The following AOPEP variants were observed in gnomAD, a reference collection of about 807,000 sequenced individuals.
AOPEP encodes aminopeptidase O.
Under a neutral mutation model 98.1 loss-of-function variants are expected in AOPEP, and 77 were observed. The observed-to-expected ratio is 0.78, with a 90% CI of 0.65 to 0.95. The LOEUF (loss-of-function observed/expected upper bound fraction) is 0.95. Among genes scored for constraint, AOPEP ranks in the 40% least tolerant of loss-of-function variants. The pLI, the probability that AOPEP is intolerant of heterozygous loss-of-function variation, is 0.00. For missense variants in AOPEP, 1,024 were observed against 1,024.7 expected, an observed-to-expected ratio of 1.00 and a Z score of 0.01; for synonymous variants, 346 against 365.3, an observed-to-expected ratio of 0.95 and a Z score of 0.60.
chr9:94,793,353 AAAAAC>A (rs55646763), intron 4 of AOPEP, among the ~76,000 whole-genome samples: 8,906 of 150,742 alleles, frequency 0.059, 295 homozygotes, highest in South Asian at 0.094. Flanking sequence ...TCTCAAAACA[AAAAAC>A]AAAACAAAAC....
the AOPEP span, chr9:95,126,518 G>C: frequency 2.4e-5 from 39 of 1,612,954 alleles, no homozygotes; most frequent in Admixed American, 6.7e-5. Context: ...AAGAAACAGT[G>C]TAACGTTTAC....
intron 5 of AOPEP, among the ~76,000 whole-genome samples, chr9:94,856,363 C>T (rs922459429): frequency 1.3e-5 from 2 of 152,050 alleles, no homozygotes; most frequent in Admixed American, 6.6e-5. Flanking sequence ...AGCAGAAGGC[C>T]GGGTGCGGTG....
chr9:95,104,065 A>G, the AOPEP span, among the ~76,000 whole-genome samples: 5 of 152,090 alleles, frequency 3.3e-5, no homozygotes, highest in Non-Finnish European at 5.9e-5. Context: ...CAAAGCAACC[A>G]TCTGGCCACC....
At chr9:95,129,611 T>C in the AOPEP span, among the ~76,000 whole-genome samples, 13 of 152,230 alleles carry the variant, frequency 8.5e-5, no homozygotes, top group Non-Finnish European at 1.5e-5. Flanking sequence ...AAACCTTTTG[T>C]GGTTTCCATC....
At chr9:94,993,045 A>C (rs970632175) in intron 11 of AOPEP, among the ~76,000 whole-genome samples, 17 of 152,218 alleles carry the variant, frequency 1.1e-4, no homozygotes, top group African/African-American at 3.6e-4. Context: ...AGTAATAATC[A>C]ATCTACAAAA....
intron 13 of AOPEP, among the ~76,000 whole-genome samples, chr9:95,032,539 G>A (rs544300773): frequency 2.0e-5 from 3 of 152,256 alleles, no homozygotes; most frequent in South Asian, 4.1e-4. Context: ...GTGGCGATGT[G>A]CACTACCAGA....
chr9:95,094,152 G>A, the AOPEP span, among the ~76,000 whole-genome samples: 1 of 151,974 alleles, frequency 6.6e-6, no homozygotes, highest in African/African-American at 2.4e-5. Flanking sequence ...CCCAGTGGTT[G>A]TTGGCTGTCG....
At chr9:95,064,626 G>A (rs1331224078) in intron 14 of AOPEP, among the ~76,000 whole-genome samples, 1 of 152,158 alleles carries the variant, frequency 6.6e-6, no homozygotes, top group Non-Finnish European at 1.5e-5. Flanking sequence ...ACAAGCCATT[G>A]GTCAGGGGGC....
Position 94,972,217 on chromosome 9 carries a change from CCTTT to C in AOPEP, c.1916+4424_1916+4427del, listed in dbSNP as rs1040907660. ...GACTGGTTGTGAAAGTTGAGTCCGA[CCTTT>C]CTTTCTTAGCCACTAAGTCACACTC... On this transcript the variant is annotated intron_variant, in intron 10 of 16. Transcript: ENST00000375315. The surrounding 1 kb of genome is among the most constrained non-coding windows in gnomAD (Gnocchi z 4.2). Among the ~76,000 whole-genome samples the C allele has an allele frequency of 1.3e-4, 20 of 152,232 alleles. No individual in the cohort carries two copies. Among genetic ancestry groups the C allele is most frequent in the African/African-American group, 4.8e-4 (20 of 41,524 alleles).
At chr9:95,082,464 A>G (rs903380497) in intron 15 of AOPEP, 111 bp from the exon 16 acceptor site, 2 of 1,268,164 alleles carry the variant, frequency 1.6e-6, no homozygotes, top group Non-Finnish European at 2.1e-6. Flanking sequence ...GGGTCTTTGC[A>G]ATTTCTAGAC....
At chr9:94,949,789 G>A (rs911233448) in intron 7 of AOPEP, among the ~76,000 whole-genome samples, 6 of 152,252 alleles carry the variant, frequency 3.9e-5, no homozygotes, top group African/African-American at 1.4e-4. Context: ...ACAAACAGTG[G>A]ATAGAGAATT....
At chr9:95,143,281 T>C in the AOPEP span, among the ~76,000 whole-genome samples, 1 of 152,116 alleles carries the variant, frequency 6.6e-6, no homozygotes, top group Admixed American at 6.5e-5. Context: ...TGACCACCAA[T>C]CTGGAAGCTA....
the AOPEP span, chr9:95,150,130 T>C: frequency 5.0e-6 from 8 of 1,608,206 alleles, no homozygotes; most frequent in Non-Finnish European, 5.1e-6. Flanking sequence ...CTAAGAGCCA[T>C]GCATAATTAA....
the AOPEP span, among the ~76,000 whole-genome samples, chr9:95,146,487 C>CAAAAAAAA: frequency 1.5e-4 from 7 of 45,526 alleles, no homozygotes; most frequent in Non-Finnish European, 1.8e-4. Flanking sequence ...GACCCCATCT[C>CAAAAAAAA]AAAAAAAAAA....
chr9:95,121,671 T>C, the AOPEP span, among the ~76,000 whole-genome samples: 2 of 152,160 alleles, frequency 1.3e-5, no homozygotes, highest in African/African-American at 4.8e-5. Flanking sequence ...CAGCCACACA[T>C]GGCAACGTCA....
chr9:94,734,274 TCTTGCCCTTC>T (rs1481070941), intron 1 of AOPEP, among the ~76,000 whole-genome samples: 2 of 152,126 alleles, frequency 1.3e-5, no homozygotes, highest in African/African-American at 4.8e-5. Flanking sequence ...CAGAGGGACC[TCTTGCCCTTC>T]CTACAGTTTT....
At chr9:95,071,955 C>A (rs1169761701) in intron 14 of AOPEP, among the ~76,000 whole-genome samples, 2 of 152,186 alleles carry the variant, frequency 1.3e-5, no homozygotes, top group African/African-American at 4.8e-5. Flanking sequence ...CATTAAGGAG[C>A]ACCTCTGATT....
the AOPEP span, among the ~76,000 whole-genome samples, chr9:95,148,649 T>A: frequency 2.0e-5 from 3 of 152,194 alleles, no homozygotes; most frequent in Non-Finnish European, 4.4e-5. Context: ...TATGTCAATG[T>A]TTGGAAGATA....
chr9:95,118,933 C>T, the AOPEP span, among the ~76,000 whole-genome samples: 1 of 152,172 alleles, frequency 6.6e-6, no homozygotes, highest in Non-Finnish European at 1.5e-5. Flanking sequence ...GGGATGCCAT[C>T]GGAATGGAAC....
Sources: gnomAD v4.1 joint callset for allele counts (sites outside exome capture counted in the v4.1 genomes callset) on GRCh38, gnomAD v4.1.1 for gene constraint, Gnocchi (gnomAD v3.1) non-coding constraint, MANE v1.5 for transcripts, NCBI Gene and HGNC (gene_info 2026-07-23, HGNC 2026-07-21) for gene names.